Variants in MPRIP observed in about 807,000 individuals in gnomAD.
MPRIP encodes the protein myosin phosphatase Rho interacting protein, also known as myosin phosphatase Rho-interacting protein.
A neutral mutation model predicts 234.9 loss-of-function variants in MPRIP; 59 were observed. That is an observed-to-expected ratio of 0.25 (90% confidence interval 0.20 to 0.31). The LOEUF is 0.31. Among genes scored for constraint, MPRIP ranks in the 10% least tolerant of loss-of-function variants. The pLI is 1.00. For synonymous variants in MPRIP, 1,144 were observed against 1,263.9 expected (o/e 0.91, Z 2.01); for missense variants, 2,436 against 3,071.0 (o/e 0.79, Z 4.89).
intron 2 of MPRIP, 58 bp from the exon 3 acceptor site, chr17:17,077,953 C>G: frequency 6.3e-7 from 1 of 1,575,598 alleles, no homozygotes; most frequent in South Asian, 1.1e-5. Flanking sequence ...CTCCAGAAGC[C>G]AAGCTCTGGG....
chr17:17,042,464 G>C lies in MPRIP; in HGVS notation c.-385G>C, dbSNP rs1478544216. On this transcript the variant is annotated 5_prime_UTR_variant, in exon 1 of 24. Transcript: ENST00000651222. ...GCCCGCCCGCCCGCCCCCGTAGTGC[G>C]TGAGGCGCTCCGGTCCCATTTGCAG... 6.9e-6 allele frequency: 1 copy of C among 145,956 alleles called. No homozygotes were observed. The highest frequency in any genetic ancestry group is 1.5e-5 in the Non-Finnish European group (1 of 65,666). The allele number at this position is 145,956 out of a possible 1,614,324, so 9.0% of individuals were successfully genotyped here.
chr17:17,096,291 GTGTGT>G (rs2089840625), intron 3 of MPRIP, among the ~76,000 whole-genome samples: 5 of 1,682 alleles, frequency 3.0e-3, no homozygotes, highest in Admixed American at 0.021. Flanking sequence ...TGTGCAGGGT[GTGTGT>G]GTGTGTGTGT....
At position 17,177,925 on chromosome 17, in the gene MPRIP, ATTTTTTT is replaced by A. The variant is rs35154903; in HGVS notation, c.7120+526_7120+532del. On this transcript the variant is annotated intron_variant, in intron 22 of 23. Coordinates refer to ENST00000651222, the MANE Select transcript of MPRIP (RefSeq NM_001364716.4). The stretch of plus-strand genomic sequence containing the variant: ...ATCAAGCATTTTCAGCTCATACGTA[ATTTTTTT>A]TTTTTTTTTTTTGAAACTGGGTCTT... Among the ~76,000 whole-genome samples, 895 of 127,268 alleles carry A rather than the reference ATTTTTTT, an allele frequency of 7.0e-3. 10 individuals carry two copies. Among genetic ancestry groups the A allele is most frequent in the African/African-American group, 0.024 (854 of 35,766 alleles). 83.5% of individuals were successfully genotyped at this position (127,268 alleles called of 152,430 possible).
chr17:17,100,131 T>G (rs1470697965), intron 3 of MPRIP, among the ~76,000 whole-genome samples: 1 of 152,154 alleles, frequency 6.6e-6, no homozygotes, highest in Non-Finnish European at 1.5e-5. Context: ...GCGGGTTGAA[T>G]AGAAGGGTAC....
At chr17:17,159,442 A>T (rs1428545877) in intron 14 of MPRIP, among the ~76,000 whole-genome samples, 1 of 152,228 alleles carries the variant, frequency 6.6e-6, no homozygotes, top group Non-Finnish European at 1.5e-5. Context: ...GGCCGATCAG[A>T]TCTGAAGCCA....
chr17:17,072,362 A>C (rs1597752051), intron 1 of MPRIP, among the ~76,000 whole-genome samples: 1 of 151,258 alleles, frequency 6.6e-6, no homozygotes, highest in East Asian at 1.9e-4. Context: ...ACTCACCTCC[A>C]CTCCCTCTGC....
At chr17:17,079,507 C>T (rs2089413465) in intron 3 of MPRIP, among the ~76,000 whole-genome samples, 1 of 152,232 alleles carries the variant, frequency 6.6e-6, no homozygotes, top group South Asian at 2.1e-4. Context: ...TTAGCCCTTA[C>T]ACAGGGAGTA....
intron 3 of MPRIP, 60 bp from the exon 4 acceptor site, chr17:17,126,642 G>C (rs1275408633): frequency 1.9e-6 from 3 of 1,553,850 alleles, no homozygotes; most frequent in East Asian, 4.5e-5. Context: ...GCCTGGGGCT[G>C]TACGACATCT....
In MPRIP at chr17:17,158,544, C is replaced by T. The variant is rs149672701; in HGVS notation, c.1942C>T (p.Arg648Cys). ...GEPDPEQKRS[R>C]ARERRREGRS... ...GCCGGACCCTGAGCAGAAGAGGAGC[C>T]GCGCACGGGAGCGGAGGCGAGAGGG... Residue 648 changes from arginine to cysteine, a missense_variant, in exon 14 of 24, where the codon CGC becomes TGC. By Grantham distance (180) the Arg-to-Cys change is radical. Coordinates refer to ENST00000651222, the MANE Select transcript of MPRIP (RefSeq NM_001364716.4). 3.1e-6 allele frequency: 5 copies of T among 1,611,836 alleles called. No individual in the cohort carries two copies. The highest frequency in any genetic ancestry group is 2.2e-5 in the South Asian group (2 of 90,982).
At chr17:17,123,096 A>G (rs1053738549) in intron 3 of MPRIP, among the ~76,000 whole-genome samples, 8 of 152,210 alleles carry the variant, frequency 5.3e-5, no homozygotes, top group African/African-American at 1.9e-4. Flanking sequence ...AATATGCTAA[A>G]TCCTTGAAAA....
Position 17,084,975 on chromosome 17 carries a change from A to G in MPRIP, c.267+6899A>G, listed in dbSNP as rs370960699. Among the ~76,000 whole-genome samples the G allele has an allele frequency of 1.8e-4, 27 of 152,364 alleles. 1 individual carries two copies. In the South Asian group the frequency reaches 5.6e-3, roughly 32 times the overall value. ...GGCCCTTCATGTTTAAAGGACAGGA[A>G]GGGGCAAGACAGGGAACCGGGGAAG... On this transcript the variant is annotated intron_variant, in intron 3 of 23. Coordinates refer to ENST00000651222, the MANE Select transcript of MPRIP (RefSeq NM_001364716.4).
intron 5 of MPRIP, among the ~76,000 whole-genome samples, chr17:17,134,940 G>T (rs2090665539): frequency 6.6e-6 from 1 of 152,256 alleles, no homozygotes; most frequent in Non-Finnish European, 1.5e-5. Flanking sequence ...TCATCTGCAA[G>T]CCTCTCCAAG....
chr17:17,068,241 C>T (rs1047128190), intron 1 of MPRIP, among the ~76,000 whole-genome samples: 5 of 152,070 alleles, frequency 3.3e-5, no homozygotes, highest in Admixed American at 1.3e-4. Context: ...ACCTCTGCCT[C>T]CCAGGTTCAA....
intron 3 of MPRIP, among the ~76,000 whole-genome samples, chr17:17,125,905 C>T (rs1210260551): frequency 6.6e-6 from 1 of 152,118 alleles, no homozygotes; most frequent in East Asian, 1.9e-4. Flanking sequence ...CAGGGGCACC[C>T]CTGGTGTGGT....
chr17:17,176,020 G>T (rs1056131057), intron 20 of MPRIP, among the ~76,000 whole-genome samples: 4 of 152,350 alleles, frequency 2.6e-5, no homozygotes, highest in African/African-American at 9.6e-5. Flanking sequence ...GAGTCCAGGT[G>T]TTGGGCCGCT....
At chr17:17,096,800 G>A (rs2089857323) in intron 3 of MPRIP, 1 of 471,002 alleles carries the variant, frequency 2.1e-6, no homozygotes, top group Non-Finnish European at 4.4e-6. Flanking sequence ...TGGGGCCTGG[G>A]GAAACCACAA....
intron 1 of MPRIP, among the ~76,000 whole-genome samples, chr17:17,043,623 T>C (rs1567676360): frequency 6.6e-6 from 1 of 152,200 alleles, no homozygotes; most frequent in Non-Finnish European, 1.5e-5. Flanking sequence ...TTGAACTAGT[T>C]ATGACTCCCA....
At chr17:17,169,669 T>G (rs999047567) in intron 16 of MPRIP, among the ~76,000 whole-genome samples, 2 of 152,198 alleles carry the variant, frequency 1.3e-5, no homozygotes, top group Admixed American at 6.5e-5. Context: ...CCAGGTGTGG[T>G]GTTCTCACCC....
chr17:17,174,565 G>A lies in MPRIP; in HGVS notation c.6750+490G>A, dbSNP rs551492180. Reference sequence around the variant, plus strand: ...AGATTTGCTTGCTCTGTCCGGGCGCGGTGGCTCACGCCTGTAATCCCAGCG... The same window carrying A: ...AGATTTGCTTGCTCTGTCCGGGCGCAGTGGCTCACGCCTGTAATCCCAGCG... On this transcript the variant is annotated intron_variant, in intron 19 of 23. Transcript: ENST00000651222. Among the ~76,000 whole-genome samples the A allele has an allele frequency of 1.9e-4, 29 of 152,222 alleles. No homozygotes were observed. In the East Asian group the frequency reaches 2.3e-3, roughly 12 times the overall value.
Sources: allele counts gnomAD v4.1 joint callset (sites outside exome capture counted in the v4.1 genomes callset), GRCh38; gene constraint gnomAD v4.1.1; transcripts MANE v1.5; gene names NCBI Gene and HGNC (gene_info 2026-07-23, HGNC 2026-07-21).